MMS22L: variants seen among roughly 807,000 people sequenced by gnomAD.
MMS22L encodes the protein MMS22 like, DNA repair protein, also known as protein MMS22-like.
A neutral mutation model predicts 159.1 loss-of-function variants in MMS22L; 74 were observed. That is an observed-to-expected ratio of 0.47 (90% confidence interval 0.39 to 0.56). MMS22L has a LOEUF of 0.56. MMS22L is among the 20% of genes least tolerant of loss of function. MMS22L has a pLI of 0.00. For missense variants in MMS22L, 1,351 were observed against 1,422.1 expected (o/e 0.95, Z 0.80); for synonymous variants, 517 against 506.9 (o/e 1.02, Z -0.27).
At chr6:97,265,707 GTTTTCTT>G (rs1339471675) in intron 8 of MMS22L, 23 of 151,070 alleles carry the variant, frequency 1.5e-4, no homozygotes, top group African/African-American at 5.1e-4. Context: ...ATAAACAGAC[GTTTTCTT>G]TTTTCTTTTT....
At chr6:97,174,078 C>T (rs1244417810) in intron 18 of MMS22L, among the ~76,000 whole-genome samples, 2 of 151,710 alleles carry the variant, frequency 1.3e-5, no homozygotes, top group Non-Finnish European at 2.9e-5. Context: ...CATGGTGAAA[C>T]CCCATCTCTA....
intron 13 of MMS22L, chr6:97,231,053 T>C (rs1394828470): frequency 5.8e-6 from 1 of 171,452 alleles, no homozygotes; most frequent in African/African-American, 2.4e-5. Context: ...GAGAAAACAA[T>C]GGACTAATGT....
At chr6:97,191,078 T>C (rs891687112) in intron 14 of MMS22L, among the ~76,000 whole-genome samples, 1 of 152,188 alleles carries the variant, frequency 6.6e-6, no homozygotes, top group East Asian at 1.9e-4. Context: ...CTGTTTTTAT[T>C]TGTCTGCTAC....
At chr6:97,164,832 T>G (rs1206124) in intron 21 of MMS22L, among the ~76,000 whole-genome samples, 82,797 of 151,628 alleles carry the variant, frequency 0.55, 23,476 homozygotes, top group African/African-American at 0.7. Context: ...ATGGCCAGGC[T>G]GGTCTCGAAC....
chr6:97,240,570 T>G (rs950565316), intron 11 of MMS22L, among the ~76,000 whole-genome samples: 1 of 152,118 alleles, frequency 6.6e-6, no homozygotes, highest in East Asian at 1.9e-4. Context: ...TTAGTGGTGA[T>G]TTCTAAGGTT....
At chr6:97,151,569 C>T (rs1801320044) in intron 23 of MMS22L, 3 of 491,606 alleles carry the variant, frequency 6.1e-6, no homozygotes, top group Admixed American at 3.4e-5. Context: ...TTTAAGTCCC[C>T]TCACTTATCT....
chr6:97,217,312 C>T (rs1475343511), intron 14 of MMS22L, among the ~76,000 whole-genome samples: 2 of 152,068 alleles, frequency 1.3e-5, no homozygotes. Context: ...ATGGCGCATT[C>T]TCGGCTCACT....
intron 6 of MMS22L, 160 bp from the exon 7 acceptor site, chr6:97,270,152 G>T (rs955050399): frequency 1.5e-6 from 1 of 654,008 alleles, no homozygotes; most frequent in Non-Finnish European, 2.7e-6. Flanking sequence ...TTCATTAGAG[G>T]ATTCTTTCAC....
At chr6:97,169,922 G>A in intron 19 of MMS22L, among the ~76,000 whole-genome samples, 1 of 152,032 alleles carries the variant, frequency 6.6e-6, no homozygotes, top group Non-Finnish European at 1.5e-5. Context: ...GTACCACGTG[G>A]TATAGTTTAG....
intron 9 of MMS22L, among the ~76,000 whole-genome samples, chr6:97,262,693 C>T (rs1244333520): frequency 6.7e-6 from 1 of 148,742 alleles, no homozygotes. Flanking sequence ...AGCACCCAAA[C>T]CCCAAATTAC....
chr6:97,234,095 C>A, intron 11 of MMS22L, 115 bp from the exon 12 acceptor site: 2 of 1,097,474 alleles, frequency 1.8e-6, no homozygotes, highest in Non-Finnish European at 2.5e-6. Flanking sequence ...ATATGTGTCA[C>A]CCAATCATAC....
At position 97,143,134 on chromosome 6, in the gene MMS22L, C is replaced by T. The variant is rs915224861; in HGVS notation, c.*3672G>A. 10 of 152,422 alleles carry T rather than the reference C, an allele frequency of 6.6e-5. No individual in the cohort carries two copies. The East Asian group carries it at 9.6e-4, about 15-fold the overall frequency. 9.4% of individuals were successfully genotyped at this position (152,422 alleles called of 1,614,324 possible). ...AATGCCTAATAAAGTCCTTTCATCA[C>T]TCTGTTGTCCTTCAGTTGTCTTTTA... On this transcript the variant is annotated 3_prime_UTR_variant, in exon 25 of 25. Transcript: ENST00000683635.
At chr6:97,194,192 G>C (rs1255941512) in intron 14 of MMS22L, among the ~76,000 whole-genome samples, 2 of 152,132 alleles carry the variant, frequency 1.3e-5, no homozygotes, top group African/African-American at 4.8e-5. Flanking sequence ...CGAGTAGCTG[G>C]AACTACAGGT....
intron 16 of MMS22L, among the ~76,000 whole-genome samples, chr6:97,181,386 T>A (rs1425429117): frequency 6.6e-6 from 1 of 152,148 alleles, no homozygotes; most frequent in Non-Finnish European, 1.5e-5. Context: ...AGATCTCTTG[T>A]GTAATGTGGC....
intron 14 of MMS22L, 47 bp from the exon 15 acceptor site, chr6:97,186,737 A>C (rs1805284969): frequency 7.5e-7 from 1 of 1,333,620 alleles, no homozygotes; most frequent in South Asian, 1.9e-5. Context: ...AAATGCTTAC[A>C]AAAATCTTCT....
intron 18 of MMS22L, among the ~76,000 whole-genome samples, chr6:97,173,745 T>TG (rs748783231): frequency 1.3e-5 from 2 of 151,408 alleles, no homozygotes; most frequent in Admixed American, 6.6e-5. Flanking sequence ...CTTAACTTCT[T>TG]GGAAAAAAAA....
chr6:97,150,157 T>G, intron 23 of MMS22L, 137 bp from the exon 24 acceptor site: 1 of 620,114 alleles, frequency 1.6e-6, no homozygotes, highest in Non-Finnish European at 2.6e-6. Context: ...GGATGCAATA[T>G]GAAAACTATT....
At chr6:97,224,625 C>T (rs916669328) in intron 14 of MMS22L, among the ~76,000 whole-genome samples, 5 of 151,192 alleles carry the variant, frequency 3.3e-5, no homozygotes, top group Non-Finnish European at 5.9e-5. Flanking sequence ...AGCAACTACC[C>T]CTTTTTTTGT....
At chr6:97,250,494 C>G (rs1325484182) in intron 10 of MMS22L, among the ~76,000 whole-genome samples, 2 of 152,164 alleles carry the variant, frequency 1.3e-5, no homozygotes, top group African/African-American at 2.4e-5. Context: ...AGTAATTTTC[C>G]TCTTTAAACT....
Sources: allele counts gnomAD v4.1 joint callset (sites outside exome capture counted in the v4.1 genomes callset), GRCh38; gene constraint gnomAD v4.1.1; transcripts MANE v1.5; gene names NCBI Gene and HGNC (gene_info 2026-07-23, HGNC 2026-07-21).